RAP1B: variants seen among roughly 807,000 people sequenced by gnomAD.
RAP1B encodes the protein ras-related protein Rap-1b.
Under a neutral mutation model 27.5 loss-of-function variants are expected in RAP1B, and 1 was observed. That is an observed-to-expected ratio of 0.04 (90% CI 0.01 to 0.17). RAP1B has a LOEUF of 0.17. RAP1B is among the 10% of genes least tolerant of loss of function. The pLI, the probability that RAP1B is intolerant of heterozygous loss-of-function variation, is 1.00. For synonymous variants in RAP1B, 75 were observed against 73.1 expected (o/e 1.03, Z -0.13); for missense variants, 84 against 214.8 (o/e 0.39, Z 3.81).
chr12:68,615,996 C>T (rs1870964814), intron 1 of RAP1B, among the ~76,000 whole-genome samples: 1 of 151,064 alleles, frequency 6.6e-6, no homozygotes, highest in Non-Finnish European at 1.5e-5. Flanking sequence ...TGGAGTCCCA[C>T]TCTGTCGCCC....
At chr12:68,638,045 T>C (rs959650808) in intron 1 of RAP1B, among the ~76,000 whole-genome samples, 3 of 152,200 alleles carry the variant, frequency 2.0e-5, no homozygotes, top group Non-Finnish European at 4.4e-5. Flanking sequence ...TAAAATTCCA[T>C]TGTTCAACTG....
In RAP1B at chr12:68,665,927, C is replaced by T. The variant is rs1874829490; in HGVS notation, c.*6678C>T. 1.3e-5 allele frequency: 2 copies of T among 151,682 alleles called. No individual in the cohort carries two copies. The highest frequency in any genetic ancestry group is 6.6e-5 in the Admixed American group (1 of 15,214). 9.4% of individuals were successfully genotyped at this position (151,682 alleles called of 1,614,324 possible). A position where few individuals can be genotyped will look rare whatever the true frequency, so the allele number is the denominator to read the frequency against. On this transcript the variant is annotated 3_prime_UTR_variant, in exon 8 of 8. Transcript: ENST00000250559. ...GGTGTGCAGTGGCGCGATCTCGGCT[C>T]ACTGCAACCTCCGCCTCCCAGGTTC...
intron 4 of RAP1B, among the ~76,000 whole-genome samples, chr12:68,653,303 T>C (rs1162163904): frequency 6.6e-6 from 1 of 152,226 alleles, no homozygotes; most frequent in African/African-American, 2.4e-5. Context: ...AAGGGAAGAT[T>C]TGTTCTCGGT....
chr12:68,669,935 C>CTTTTTTTTTTTTTTT lies in RAP1B; in HGVS notation c.*10692_*10706dup, dbSNP rs549794675. The CTTTTTTTTTTTTTTT allele has an allele frequency of 9.5e-6, 1 of 105,384 alleles. No individual in the cohort carries two copies. The highest frequency in any genetic ancestry group is 3.6e-5 in the African/African-American group (1 of 27,794). 6.5% of individuals were successfully genotyped at this position (105,384 alleles called of 1,614,324 possible). Reference sequence around the variant, plus strand: ...GACAAAAATATATTTCTTTTTCTTTCTTTTTTTTTTTTTTTTTTTTGAGAC... The same window carrying CTTTTTTTTTTTTTTT: ...GACAAAAATATATTTCTTTTTCTTTCTTTTTTTTTTTTTTTTTTTTTTTTTTTTTTTTTTTGAGAC... On this transcript the variant is annotated 3_prime_UTR_variant, in exon 8 of 8. Transcript: ENST00000250559.
rs997105391 is a variant in RAP1B, at chr12:68,659,453, T to C, written c.*204T>C. The C allele has an allele frequency of 2.2e-5, 8 of 365,738 alleles. No individual in the cohort carries two copies. Among genetic ancestry groups the C allele is most frequent in the African/African-American group, 4.3e-5 (2 of 46,706 alleles). The allele number at this position is 365,738 out of a possible 1,614,324, so 22.7% of individuals were successfully genotyped here. Reference sequence around the variant, plus strand: ...GTATCACAAGAGAGATTTTTACTTATATAATAGTCCTAGAGTTTGCAGCTG... The same window carrying C: ...GTATCACAAGAGAGATTTTTACTTACATAATAGTCCTAGAGTTTGCAGCTG... On this transcript the variant is annotated 3_prime_UTR_variant, in exon 8 of 8. Coordinates refer to ENST00000250559, the MANE Select transcript of RAP1B (RefSeq NM_001010942.3).
At chr12:68,655,429 A>C (rs1874131853) in intron 5 of RAP1B, among the ~76,000 whole-genome samples, 1 of 152,146 alleles carries the variant, frequency 6.6e-6, no homozygotes. Context: ...CTTCTGAAAC[A>C]AGGGAATTTG....
intron 1 of RAP1B, chr12:68,642,825 A>G: frequency 1.0e-6 from 1 of 1,003,990 alleles, no homozygotes; most frequent in Non-Finnish European, 1.6e-6. Context: ...TTGGCCTTGT[A>G]GTAAGCCCAG....
At chr12:68,646,267 G>T (rs2135955604) in intron 1 of RAP1B, among the ~76,000 whole-genome samples, 1 of 151,444 alleles carries the variant, frequency 6.6e-6, no homozygotes, top group East Asian at 1.9e-4. Context: ...TGAATATATA[G>T]TTATGCAGCC....
chr12:68,620,432 A>G (rs1289491163), intron 1 of RAP1B, among the ~76,000 whole-genome samples: 2 of 151,964 alleles, frequency 1.3e-5, no homozygotes, highest in East Asian at 1.9e-4. Context: ...CATATTGGCC[A>G]GGCTGGTCCC....
In RAP1B at chr12:68,627,021, A is replaced by C; in HGVS notation, c.-27+15978A>C. 3.8e-6 allele frequency: 6 copies of C among 1,578,082 alleles called. 1 individual carries two copies. The South Asian group carries it at 5.5e-5, about 15-fold the overall frequency. ...GAAGCCCCACTTCTTTGAGATGTGG[A>C]TCTTCTGGCGGCCAGAAAACTTGAA... On this transcript the variant is annotated intron_variant, in intron 1 of 7. Transcript: ENST00000250559.
intron 1 of RAP1B, among the ~76,000 whole-genome samples, chr12:68,637,327 G>A (rs999143773): frequency 1.3e-5 from 2 of 152,130 alleles, no homozygotes; most frequent in African/African-American, 4.8e-5. Context: ...GCCGAGTGCA[G>A]TGGCTCACGC....
At chr12:68,616,596 G>T (rs1871034319) in intron 1 of RAP1B, among the ~76,000 whole-genome samples, 2 of 151,936 alleles carry the variant, frequency 1.3e-5, no homozygotes, top group African/African-American at 2.4e-5. Flanking sequence ...ACCGCACCCA[G>T]CTAAGTTTTG....
In RAP1B at chr12:68,641,006, A is replaced by G. The variant is rs143374648; in HGVS notation, c.-26-7693A>G. ...AAATTTACTGAACTTAATGTAGAAT[A>G]TGTTTTTTGTTTCGTTTTGTTTTTG... On this transcript the variant is annotated intron_variant, in intron 1 of 7. Coordinates refer to ENST00000250559, the MANE Select transcript of RAP1B (RefSeq NM_001010942.3). 8 of 152,264 alleles carry G rather than the reference A, an allele frequency of 5.3e-5. No homozygotes were observed. In the East Asian group the frequency reaches 1.5e-3, roughly 29 times the overall value. The allele number at this position is 152,264 out of a possible 1,614,324, so 9.4% of individuals were successfully genotyped here. A position where few individuals can be genotyped will look rare whatever the true frequency, so the allele number is the denominator to read the frequency against.
chr12:68,635,885 A>AGAG (rs10666630), intron 1 of RAP1B, among the ~76,000 whole-genome samples: 54,775 of 151,606 alleles, frequency 0.36, 10,064 homozygotes, highest in South Asian at 0.59. Context: ...ATACCCATGA[A>AGAG]ATTTTTTTTT....
intron 1 of RAP1B, among the ~76,000 whole-genome samples, chr12:68,613,669 C>T (rs1870779707): frequency 6.6e-6 from 1 of 152,148 alleles, no homozygotes; most frequent in Admixed American, 6.5e-5. Flanking sequence ...GGACTTAATC[C>T]ATTTCATTCT....
At chr12:68,645,885 C>T (rs1436343027) in intron 1 of RAP1B, among the ~76,000 whole-genome samples, 1 of 152,080 alleles carries the variant, frequency 6.6e-6, no homozygotes, top group Non-Finnish European at 1.5e-5. Flanking sequence ...GATAATATCC[C>T]CAAACTGGAA....
chr12:68,650,119 A>G (rs1230066306), intron 2 of RAP1B: 1 of 205,100 alleles, frequency 4.9e-6, no homozygotes, highest in African/African-American at 2.3e-5. Flanking sequence ...TCTCAAAGAA[A>G]AAAAACAAAG....
rs536595663 is a variant in RAP1B, at chr12:68,654,986, C to T, written c.324+734C>T. Among the ~76,000 whole-genome samples, 280 of 152,090 alleles carry T rather than the reference C, an allele frequency of 1.8e-3. 1 individual carries two copies. Among genetic ancestry groups the T allele is most frequent in the African/African-American group, 6.3e-3 (263 of 41,486 alleles). On this transcript the variant is annotated intron_variant, in intron 5 of 7. Coordinates refer to ENST00000250559, the MANE Select transcript of RAP1B (RefSeq NM_001010942.3). ...AGGAATTTGCATTTCTAACAAGTTT[C>T]GAAGTGGTGTTGGTTTTGCTGATCT...
Position 68,665,392 on chromosome 12 carries a change from A to G in RAP1B, c.*6143A>G, listed in dbSNP as rs185121938. The stretch of plus-strand genomic sequence containing the variant: ...AGGGTTGGACCTTGGAGTTACTGAC[A>G]TTGGAGGCAACTGAAACCATGAGTG... On this transcript the variant is annotated 3_prime_UTR_variant, in exon 8 of 8. Transcript: ENST00000250559. 5.3e-5 allele frequency: 8 copies of G among 152,360 alleles called. No individual in the cohort carries two copies. The East Asian group carries it at 1.5e-3, about 29-fold the overall frequency. The allele number at this position is 152,360 out of a possible 1,614,324, so 9.4% of individuals were successfully genotyped here. A position where few individuals can be genotyped will look rare whatever the true frequency, so the allele number is the denominator to read the frequency against.
Sources: allele counts gnomAD v4.1 joint callset (sites outside exome capture counted in the v4.1 genomes callset), GRCh38; gene constraint gnomAD v4.1.1; transcripts MANE v1.5; gene names NCBI Gene and HGNC (gene_info 2026-07-23, HGNC 2026-07-21).